The following ZSWIM6 variants were observed in gnomAD, a reference collection of about 807,000 sequenced individuals.
ZSWIM6 encodes the protein zinc finger SWIM-type containing 6, also known as zinc finger SWIM domain-containing protein 6.
In ZSWIM6, 9 loss-of-function variants were observed where a neutral mutation model predicts 113.2. The ratio of observed to expected loss-of-function variants is 0.08; its 90% confidence interval spans 0.05 to 0.14. The LOEUF (loss-of-function observed/expected upper bound fraction) is 0.14, where lower values mean the gene tolerates loss of function less well. Ranked by LOEUF, ZSWIM6 falls within the 10% of genes least tolerant of loss-of-function variation. The probability of loss-of-function intolerance (pLI) is 1.00; values close to 1 mark genes in which losing one functional copy is unlikely to be tolerated. For synonymous variants in ZSWIM6, 611 were observed against 606.5 expected, an observed-to-expected ratio of 1.01 and a Z score of -0.11; for missense variants, 1,162 against 1,552.2, an observed-to-expected ratio of 0.75 and a Z score of 4.22.
At chr5:61,375,242 T>C in intron 1 of ZSWIM6, 1 of 1,612,718 alleles carries the variant, frequency 6.2e-7, no homozygotes, top group Admixed American at 1.7e-5. Flanking sequence ...TGGGAAGAAG[T>C]AAAAGAGCAA....
intron 1 of ZSWIM6, among the ~76,000 whole-genome samples, chr5:61,369,161 T>C (rs1026524629): frequency 6.6e-6 from 1 of 152,240 alleles, no homozygotes; most frequent in Non-Finnish European, 1.5e-5. Flanking sequence ...TATAAGCTTC[T>C]TCCTACTATA....
chr5:61,512,179 C>G (rs560850185), intron 4 of ZSWIM6, among the ~76,000 whole-genome samples: 1 of 152,192 alleles, frequency 6.6e-6, no homozygotes, highest in Admixed American at 6.6e-5. Flanking sequence ...CCTTTAGTTT[C>G]GCCATTCCAG....
intron 4 of ZSWIM6, among the ~76,000 whole-genome samples, chr5:61,508,784 G>T (rs558352097): frequency 6.6e-6 from 1 of 152,188 alleles, no homozygotes; most frequent in Non-Finnish European, 1.5e-5. Context: ...AGATCTTGGA[G>T]CCCTGAGTTT....
chr5:61,473,068 C>T, intron 2 of ZSWIM6, 31 bp downstream of exon 2: 4 of 1,296,896 alleles, frequency 3.1e-6, no homozygotes, highest in Non-Finnish European at 4.1e-6. Flanking sequence ...TTTAAATTTC[C>T]TCTCTGGATC....
intron 4 of ZSWIM6, among the ~76,000 whole-genome samples, chr5:61,511,708 C>T (rs1748792623): frequency 6.6e-6 from 1 of 152,152 alleles, no homozygotes; most frequent in African/African-American, 2.4e-5. Context: ...ACTTCCTACC[C>T]TCCAGAACTG....
intron 1 of ZSWIM6, among the ~76,000 whole-genome samples, chr5:61,348,036 A>G (rs1358062212): frequency 1.3e-5 from 2 of 152,032 alleles, no homozygotes; most frequent in African/African-American, 2.4e-5. Flanking sequence ...CCTGGCTAAC[A>G]CGGTGAAACC....
At chr5:61,423,698 T>A (rs1746401628) in intron 1 of ZSWIM6, among the ~76,000 whole-genome samples, 1 of 152,214 alleles carries the variant, frequency 6.6e-6, no homozygotes, top group Admixed American at 6.5e-5. Context: ...AGGATGGTTA[T>A]CTATGCATTC....
intron 2 of ZSWIM6, among the ~76,000 whole-genome samples, chr5:61,487,672 T>C (rs1294920642): frequency 6.6e-6 from 1 of 152,044 alleles, no homozygotes; most frequent in African/African-American, 2.4e-5. Flanking sequence ...TAGGATTTGG[T>C]ACTTAGGTAG....
At chr5:61,443,949 A>T (rs992832446) in intron 1 of ZSWIM6, among the ~76,000 whole-genome samples, 11 of 152,084 alleles carry the variant, frequency 7.2e-5, no homozygotes, top group Non-Finnish European at 1.3e-4. Flanking sequence ...TTTTTAAAAA[A>T]TTTTATTATT....
intron 1 of ZSWIM6, among the ~76,000 whole-genome samples, chr5:61,360,827 A>G (rs958535572): frequency 5.9e-5 from 9 of 152,254 alleles, no homozygotes; most frequent in African/African-American, 2.2e-4. Flanking sequence ...TTTATATGGA[A>G]TTACAACTTT....
rs369378312 is a variant in ZSWIM6 at position 61,525,876 on chromosome 5, C to T, written c.1590C>T (p.His530=). 46 of 1,551,828 alleles carry T rather than the reference C, an allele frequency of 3.0e-5. No homozygotes were observed. In the African/African-American group the frequency reaches 6.0e-4, roughly 20 times the overall value. ...EACDLHWQDS[H]LQHIISSDLY... Reference sequence around the variant, plus strand: ...GCGATCTCCACTGGCAGGATAGCCACTTGCAGCACATTATCAGCAGTGACC... The same window carrying T: ...GCGATCTCCACTGGCAGGATAGCCATTTGCAGCACATTATCAGCAGTGACC... Residue 530 remains histidine (H), a synonymous_variant, in exon 6 of 14, where the codon CAC becomes CAT. Transcript: ENST00000252744.
chr5:61,489,038 T>G (rs753806760), intron 2 of ZSWIM6, among the ~76,000 whole-genome samples: 1 of 152,058 alleles, frequency 6.6e-6, no homozygotes, highest in African/African-American at 2.4e-5. Flanking sequence ...CTGATCCTGC[T>G]TCTTTTCTCC....
Position 61,531,545 on chromosome 5 carries a change from A to G in ZSWIM6, c.2065A>G (p.Thr689Ala), listed in dbSNP as rs912842794. 3 of 1,551,564 alleles carry G rather than the reference A, an allele frequency of 1.9e-6. No individual in the cohort carries two copies. Among genetic ancestry groups the G allele is most frequent in the Non-Finnish European group, 2.6e-6 (3 of 1,146,982 alleles). ...KFLEEGESYL[T>A]LAVEVALIGL... ...CTTAGAAGAAGGGGAATCCTATTTAACGCTGGCTGTGGAAGTAGCCCTGAT... is the reference window on the plus strand; with the variant it reads ...CTTAGAAGAAGGGGAATCCTATTTAGCGCTGGCTGTGGAAGTAGCCCTGAT... The change falls in exon 9 of 14, where the codon ACG (threonine) becomes GCG (alanine). Residue 689 changes from threonine (T) to alanine (A), a missense_variant. This residue lies in a region of ZSWIM6 where 620 missense variants were observed against 804.6 expected (regional missense o/e 0.77). Coordinates refer to ENST00000252744, the MANE Select transcript of ZSWIM6 (RefSeq NM_020928.2).
intron 2 of ZSWIM6, among the ~76,000 whole-genome samples, chr5:61,487,131 C>A (rs888519376): frequency 6.6e-5 from 10 of 152,000 alleles, no homozygotes; most frequent in Non-Finnish European, 1.5e-4. Flanking sequence ...TTTCCCAGCA[C>A]CATTTATTGA....
In ZSWIM6 at chr5:61,525,942, C is replaced by G; in HGVS notation, c.1656C>G (p.Ser552=). 1.3e-6 allele frequency: 2 copies of G among 1,552,154 alleles called. No homozygotes were observed. Among genetic ancestry groups the G allele is most frequent in the Non-Finnish European group, 1.7e-6 (2 of 1,147,058 alleles). Residue 552 remains serine (S), a synonymous_variant, in exon 6 of 14, where the codon TCC becomes TCG. Coordinates refer to ENST00000252744, the MANE Select transcript of ZSWIM6 (RefSeq NM_020928.2). ...NYCYHDDTEN[S]LFDSRGWPLW... is the part of the protein sequence containing the mutation. ...GTTACCATGACGACACTGAAAACTC[C>G]CTCTTCGACTCCCGCGGGTGGCCCC... is the stretch of plus-strand genomic sequence containing the variant.
At chr5:61,499,359 G>T (rs546477100) in intron 4 of ZSWIM6, among the ~76,000 whole-genome samples, 2 of 152,182 alleles carry the variant, frequency 1.3e-5, no homozygotes, top group East Asian at 1.9e-4. Flanking sequence ...TCTTATTGTG[G>T]TCTCTCTATC....
At chr5:61,495,480 T>C (rs1020063597) in intron 4 of ZSWIM6, among the ~76,000 whole-genome samples, 2 of 152,218 alleles carry the variant, frequency 1.3e-5, no homozygotes, top group Admixed American at 1.3e-4. Flanking sequence ...ACAAGTTTGC[T>C]ACTTGTGAAC....
At chr5:61,521,189 A>G in intron 4 of ZSWIM6, 74 bp from the exon 5 acceptor site, 2 of 936,758 alleles carry the variant, frequency 2.1e-6, no homozygotes, top group Middle Eastern at 2.6e-4. Context: ...AATAAATTTA[A>G]ACAATTTAAC....
Position 61,448,564 on chromosome 5 carries a change from A to G in ZSWIM6, c.677-24117A>G, listed in dbSNP as rs1210255433. On this transcript the variant is annotated intron_variant, in intron 1 of 13. Coordinates refer to ENST00000252744, the MANE Select transcript of ZSWIM6 (RefSeq NM_020928.2). ...ATACTGTAGTTTTCTAGTAAATGAG[A>G]TAATGTATATAAATATATACATGTT... Among the ~76,000 whole-genome samples the G allele has an allele frequency of 2.6e-5, 4 of 152,190 alleles. No individual in the cohort carries two copies. In the East Asian group the frequency reaches 7.7e-4, roughly 29 times the overall value.
Sources: gnomAD v4.1 joint callset for allele counts (sites outside exome capture counted in the v4.1 genomes callset) on GRCh38, gnomAD v4.1.1 for gene constraint, gnomAD v4.1.1 regional missense constraint, MANE v1.5 for transcripts, NCBI Gene and HGNC (gene_info 2026-07-23, HGNC 2026-07-21) for gene names.